Variants in SLC10A7 observed in about 807,000 individuals in gnomAD.
The protein encoded by SLC10A7 is sodium/bile acid cotransporter 7.
A neutral mutation model predicts 43.2 loss-of-function variants in SLC10A7; 29 were observed. The observed-to-expected ratio is 0.67, with a 90% CI of 0.50 to 0.92. SLC10A7 has a LOEUF of 0.92. SLC10A7 is among the 40% of genes least tolerant of loss of function. The probability of loss-of-function intolerance (pLI) is 0.00; values close to 1 mark genes in which losing one functional copy is unlikely to be tolerated. For synonymous variants in SLC10A7, 152 were observed against 144.8 expected (o/e 1.05, Z -0.35); for missense variants, 295 against 403.2 (o/e 0.73, Z 2.30).
At chr4:146,269,924 A>G (rs573753314) in intron 10 of SLC10A7, among the ~76,000 whole-genome samples, 75 of 152,332 alleles carry the variant, frequency 4.9e-4, no homozygotes, top group Admixed American at 1.7e-3. Flanking sequence ...ACGATTTTTA[A>G]TATACATTTT....
At chr4:146,396,574 T>C (rs1227145029) in intron 5 of SLC10A7, among the ~76,000 whole-genome samples, 3 of 152,100 alleles carry the variant, frequency 2.0e-5, no homozygotes, top group African/African-American at 7.2e-5. Flanking sequence ...CAAAATCAAA[T>C]TTAGTTCAAT....
At chr4:146,288,153 C>A (rs1044859238) in intron 9 of SLC10A7, among the ~76,000 whole-genome samples, 1 of 152,126 alleles carries the variant, frequency 6.6e-6, no homozygotes, top group African/African-American at 2.4e-5. Context: ...AGGATTAGAA[C>A]CTTAAGGCAT....
intron 4 of SLC10A7, among the ~76,000 whole-genome samples, chr4:146,444,516 A>G (rs1240337680): frequency 1.3e-5 from 2 of 152,218 alleles, no homozygotes; most frequent in African/African-American, 2.4e-5. Context: ...ATACTCATAA[A>G]TAACTATATG....
At chr4:146,438,515 C>T (rs1730367307) in intron 5 of SLC10A7, among the ~76,000 whole-genome samples, 1 of 151,886 alleles carries the variant, frequency 6.6e-6, no homozygotes. Flanking sequence ...TCTATGTTGC[C>T]ATGAAGTGTT....
rs1254921446 is a variant in SLC10A7, at chr4:146,333,545, A to T, written c.436-7549T>A. ...TAACCAGGCAAAGGAGTCAGAACAG[A>T]AGAAGGGAAGGGAGAGGAAACAGGC... On this transcript the variant is annotated intron_variant, in intron 5 of 11. Transcript: ENST00000335472. Among the ~76,000 whole-genome samples, 11 of 152,284 alleles carry T rather than the reference A, an allele frequency of 7.2e-5. No homozygotes were observed. In the East Asian group the frequency reaches 1.9e-3, roughly 27 times the overall value.
At chr4:146,402,686 G>A (rs1739304255) in intron 5 of SLC10A7, among the ~76,000 whole-genome samples, 1 of 152,184 alleles carries the variant, frequency 6.6e-6, no homozygotes, top group African/African-American at 2.4e-5. Flanking sequence ...TTGAATGATG[G>A]TCTACTTGGG....
intron 5 of SLC10A7, among the ~76,000 whole-genome samples, chr4:146,374,653 CACACACACAT>C (rs1398991212): frequency 5.6e-4 from 83 of 147,112 alleles, no homozygotes; most frequent in African/African-American, 8.6e-4. Flanking sequence ...CACACACACA[CACACACACAT>C]ATATATATAT....
At chr4:146,403,130 G>A (rs914247741) in intron 5 of SLC10A7, among the ~76,000 whole-genome samples, 1 of 152,188 alleles carries the variant, frequency 6.6e-6, no homozygotes, top group African/African-American at 2.4e-5. Context: ...AGTAGTTATT[G>A]TAGTAGTCTT....
At chr4:146,404,790 C>T (rs1377820237) in intron 5 of SLC10A7, among the ~76,000 whole-genome samples, 4 of 151,926 alleles carry the variant, frequency 2.6e-5, no homozygotes, top group East Asian at 3.9e-4. Context: ...GTCTTTGTTA[C>T]GTGAACTTTG....
intron 4 of SLC10A7, among the ~76,000 whole-genome samples, chr4:146,493,777 A>G (rs1265757980): frequency 6.6e-6 from 1 of 152,348 alleles, no homozygotes; most frequent in East Asian, 1.9e-4. Context: ...ATACTTATAC[A>G]AAAAACCTGA....
chr4:146,504,259 C>T (rs1165144465), intron 3 of SLC10A7, among the ~76,000 whole-genome samples: 1 of 152,034 alleles, frequency 6.6e-6, no homozygotes, highest in Non-Finnish European at 1.5e-5. Flanking sequence ...GTGGCTCACG[C>T]CTGTAATCCC....
intron 4 of SLC10A7, among the ~76,000 whole-genome samples, chr4:146,454,176 G>A (rs1731843842): frequency 6.6e-6 from 1 of 151,918 alleles, no homozygotes; most frequent in East Asian, 1.9e-4. Context: ...AGGGTTACAG[G>A]TTCACAATAA....
At chr4:146,328,889 C>T (rs958606909) in intron 5 of SLC10A7, among the ~76,000 whole-genome samples, 5 of 151,902 alleles carry the variant, frequency 3.3e-5, no homozygotes, top group African/African-American at 1.2e-4. Context: ...GCAGTAAGGA[C>T]AAAAAATATG....
chr4:146,389,778 G>C (rs538362194), intron 5 of SLC10A7, among the ~76,000 whole-genome samples: 19 of 152,252 alleles, frequency 1.2e-4, no homozygotes, highest in African/African-American at 4.6e-4. Flanking sequence ...AAGAACTTTC[G>C]GTTTGGCCTT....
In SLC10A7 at chr4:146,517,117, G is replaced by A; in HGVS notation, c.104C>T (p.Pro35Leu). 2 of 1,602,222 alleles carry A rather than the reference G, an allele frequency of 1.2e-6. No individual in the cohort carries two copies. The highest frequency in any genetic ancestry group is 1.7e-6 in the Non-Finnish European group (2 of 1,174,064). ...LEPSIGVNGG[P>L]LKPEITVSYI... ...GGATACAGTTATTTCTGGCTTCAGT[G>A]GTCCTAAAAAGAGAAAAAAGAGTTA... Residue 35 changes from proline to leucine, a missense_variant, in exon 2 of 12, where the codon CCA becomes CTA. Around this residue, in one of 2 missense-constraint regions of SLC10A7, gnomAD observed 242 missense variants for 362.5 expected, o/e 0.67. Coordinates refer to ENST00000335472, the MANE Select transcript of SLC10A7 (RefSeq NM_001029998.6).
intron 5 of SLC10A7, among the ~76,000 whole-genome samples, chr4:146,327,660 G>A (rs1247078715): frequency 6.6e-6 from 1 of 152,224 alleles, no homozygotes; most frequent in African/African-American, 2.4e-5. Context: ...AGTACAACAT[G>A]GTCCCTATGC....
At chr4:146,498,719 A>G (rs1372823626) in intron 4 of SLC10A7, among the ~76,000 whole-genome samples, 4 of 152,240 alleles carry the variant, frequency 2.6e-5, no homozygotes, top group African/African-American at 4.8e-5. Context: ...ATTTCGGTGT[A>G]TATACATTGC....
intron 5 of SLC10A7, among the ~76,000 whole-genome samples, chr4:146,374,753 C>T (rs538222228): frequency 7.9e-5 from 12 of 151,796 alleles, no homozygotes; most frequent in African/African-American, 2.2e-4. Flanking sequence ...TACTTCAATA[C>T]GTGAAATTAC....
At chr4:146,396,902 C>G (rs1239010652) in intron 5 of SLC10A7, among the ~76,000 whole-genome samples, 1 of 150,904 alleles carries the variant, frequency 6.6e-6, no homozygotes, top group Non-Finnish European at 1.5e-5. Flanking sequence ...ACACAAATAA[C>G]AAAAGGAAAA....
Sources: gnomAD v4.1 joint callset for allele counts (sites outside exome capture counted in the v4.1 genomes callset) on GRCh38, gnomAD v4.1.1 for gene constraint, gnomAD v4.1.1 regional missense constraint, MANE v1.5 for transcripts, NCBI Gene and HGNC (gene_info 2026-07-23, HGNC 2026-07-21) for gene names.